The following CLMN variants were observed in gnomAD, a reference collection of about 807,000 sequenced individuals.
CLMN encodes calmin.
In CLMN, 57 loss-of-function variants were observed where a neutral mutation model predicts 92.7. The observed-to-expected ratio is 0.61, with a 90% CI of 0.50 to 0.77. The LOEUF (loss-of-function observed/expected upper bound fraction) is 0.77. Among genes scored for constraint, CLMN ranks in the 30% least tolerant of loss-of-function variants. CLMN has a pLI of 0.00. For missense variants in CLMN, 1,158 were observed against 1,237.5 expected, an observed-to-expected ratio of 0.94 and a Z score of 0.96; for synonymous variants, 466 against 470.6, an observed-to-expected ratio of 0.99 and a Z score of 0.13.
rs776043081 is a variant in CLMN, at chr14:95,213,232, T to C, written c.595A>G (p.Arg199Gly). Residue 199 changes from arginine to glycine, a missense_variant, in exon 6 of 13, where the codon AGG (arginine) becomes GGG (glycine). Physicochemically the swap from Arg to Gly is moderately radical, Grantham distance 125. Transcript: ENST00000298912. ...AIKALLAWVQ[R>G]KTRKYGVAVQ... ...GCTGCGGCTTACTTTCTCGTTTTCCTCTGCACCCACGCCAACAGGGCCTTG... is the reference window on the plus strand; with the variant it reads ...GCTGCGGCTTACTTTCTCGTTTTCCCCTGCACCCACGCCAACAGGGCCTTG... 3 of 1,614,022 alleles carry C rather than the reference T, an allele frequency of 1.9e-6. No individual in the cohort carries two copies. Among genetic ancestry groups the C allele is most frequent in the South Asian group, 2.2e-5 (2 of 91,030 alleles).
At chr14:95,315,574 C>A (rs1017546118) in intron 1 of CLMN, among the ~76,000 whole-genome samples, 14 of 152,226 alleles carry the variant, frequency 9.2e-5, no homozygotes, top group Non-Finnish European at 1.5e-4. Context: ...GCTGATCCTT[C>A]GGAAAACGCA....
intron 1 of CLMN, among the ~76,000 whole-genome samples, chr14:95,312,276 G>C (rs10133810): frequency 0.74 from 111,822 of 151,936 alleles, 41,264 homozygotes; most frequent in East Asian, 0.95. Flanking sequence ...CCTCCATCCC[G>C]AGCTCCCAGA....
intron 1 of CLMN, among the ~76,000 whole-genome samples, chr14:95,280,113 G>C (rs2140738491): frequency 6.6e-6 from 1 of 152,266 alleles, no homozygotes; most frequent in South Asian, 2.1e-4. Flanking sequence ...ATTGGCTGAA[G>C]TTAAAGAGGT....
At chr14:95,291,314 G>A (rs770052628) in intron 1 of CLMN, among the ~76,000 whole-genome samples, 5 of 152,170 alleles carry the variant, frequency 3.3e-5, no homozygotes, top group African/African-American at 1.2e-4. Flanking sequence ...TAGCCATGGC[G>A]ATGGCCTGTA....
intron 1 of CLMN, among the ~76,000 whole-genome samples, chr14:95,287,012 C>T (rs2140751063): frequency 6.6e-6 from 1 of 152,352 alleles, no homozygotes; most frequent in East Asian, 1.9e-4. Flanking sequence ...AGCTGCCTCC[C>T]AGGTCTTGTC....
At chr14:95,195,908 A>T (rs560537072) in intron 10 of CLMN, among the ~76,000 whole-genome samples, 2 of 152,172 alleles carry the variant, frequency 1.3e-5, no homozygotes, top group Non-Finnish European at 2.9e-5. Context: ...GACAGAGCAG[A>T]GGTGTGCTAT....
At chr14:95,233,955 C>T (rs551992571) in intron 1 of CLMN, among the ~76,000 whole-genome samples, 1 of 152,330 alleles carries the variant, frequency 6.6e-6, no homozygotes, top group East Asian at 1.9e-4. Context: ...GAGAAAACCA[C>T]AAATAGCAGA....
intron 1 of CLMN, among the ~76,000 whole-genome samples, chr14:95,311,642 G>A (rs1180949523): frequency 6.6e-6 from 1 of 152,166 alleles, no homozygotes; most frequent in African/African-American, 2.4e-5. Context: ...AATAAAAGGT[G>A]AAGGTCAACT....
At chr14:95,236,597 G>T (rs542727991) in intron 1 of CLMN, among the ~76,000 whole-genome samples, 2 of 152,148 alleles carry the variant, frequency 1.3e-5, no homozygotes, top group African/African-American at 4.8e-5. Context: ...ACAATGACCC[G>T]GCTCAGAGTG....
intron 1 of CLMN, among the ~76,000 whole-genome samples, chr14:95,297,850 C>T (rs897358866): frequency 7.0e-6 from 1 of 142,298 alleles, no homozygotes; most frequent in African/African-American, 2.6e-5. Flanking sequence ...CACACACACA[C>T]AGAGTGCATG....
At chr14:95,205,684 T>C (rs893068624) in intron 8 of CLMN, among the ~76,000 whole-genome samples, 1 of 152,102 alleles carries the variant, frequency 6.6e-6, no homozygotes, top group Admixed American at 6.6e-5. Context: ...ATATATGTGA[T>C]ATATATAAAA....
chr14:95,191,908 C>T lies in CLMN; in HGVS notation c.2841-176G>A, dbSNP rs574331139. The T allele has an allele frequency of 1.9e-5, 10 of 528,582 alleles. No individual in the cohort carries two copies. The highest frequency in any genetic ancestry group is 5.8e-5 in the African/African-American group (3 of 51,310). 32.7% of individuals were successfully genotyped at this position (528,582 alleles called of 1,614,324 possible). ...TGTGTACTGGCCCAAGGCAGTGCGT[C>T]GGGCCATCCAGGCAGCCCCTCGAGC... On this transcript the variant is annotated intron_variant, in intron 12 of 12. Transcript: ENST00000298912. This position sits in a 1 kb window ranked among gnomAD's most constrained non-coding sequence, Gnocchi z 5.3.
chr14:95,229,259 C>T (rs1897807642), intron 2 of CLMN, among the ~76,000 whole-genome samples: 1 of 152,232 alleles, frequency 6.6e-6, no homozygotes, highest in African/African-American at 2.4e-5. Flanking sequence ...CCCCTTCTCA[C>T]CCAGAGCTGT....
intron 6 of CLMN, among the ~76,000 whole-genome samples, chr14:95,212,911 G>A (rs1897237878): frequency 6.6e-6 from 1 of 150,984 alleles, no homozygotes; most frequent in Non-Finnish European, 1.5e-5. Context: ...TCAGCCTCCC[G>A]AGTAGCTGGG....
intron 5 of CLMN, among the ~76,000 whole-genome samples, chr14:95,214,291 A>G (rs1897270366): frequency 6.6e-6 from 1 of 151,320 alleles, no homozygotes; most frequent in African/African-American, 2.4e-5. Context: ...AGGAAGTTTA[A>G]TAACAGGTAG....
chr14:95,234,066 G>A (rs757609327), intron 1 of CLMN, among the ~76,000 whole-genome samples: 27 of 152,312 alleles, frequency 1.8e-4, no homozygotes, highest in Middle Eastern at 3.4e-3. Flanking sequence ...ACTCAAGCCC[G>A]CCCCAGAACA....
chr14:95,304,406 A>G (rs1901186373), intron 1 of CLMN, among the ~76,000 whole-genome samples: 1 of 152,056 alleles, frequency 6.6e-6, no homozygotes, highest in South Asian at 2.1e-4. Flanking sequence ...AAACCAAGCC[A>G]ATTTACAACC....
At chr14:95,234,819 C>A (rs1023543887) in intron 1 of CLMN, among the ~76,000 whole-genome samples, 2 of 152,184 alleles carry the variant, frequency 1.3e-5, no homozygotes, top group African/African-American at 4.8e-5. Flanking sequence ...CCAGGCTGTC[C>A]GTGGCTGGCT....
At chr14:95,224,661 T>C (rs72710122) in intron 2 of CLMN, among the ~76,000 whole-genome samples, 64,739 of 151,980 alleles carry the variant, frequency 0.43, 14,164 homozygotes, top group Non-Finnish European at 0.45. Flanking sequence ...GCTAGCTGTT[T>C]GGTATTGTCC....
Sources: allele counts gnomAD v4.1 joint callset (sites outside exome capture counted in the v4.1 genomes callset), GRCh38; gene constraint gnomAD v4.1.1; non-coding constraint Gnocchi (gnomAD v3.1); transcripts MANE v1.5; gene names NCBI Gene and HGNC (gene_info 2026-07-23, HGNC 2026-07-21).